The following CATSPERB variants were observed in gnomAD, a reference collection of about 807,000 sequenced individuals.
CATSPERB encodes the protein cation channel sperm-associated auxiliary subunit beta.
A neutral mutation model predicts 128.3 loss-of-function variants in CATSPERB; 93 were observed. That is an observed-to-expected ratio of 0.72 (90% CI 0.61 to 0.86). The LOEUF (loss-of-function observed/expected upper bound fraction) is 0.86. Ranked by LOEUF, CATSPERB falls within the 40% of genes least tolerant of loss-of-function variation. The pLI is 0.00. For missense variants in CATSPERB, 1,153 were observed against 1,329.5 expected, an observed-to-expected ratio of 0.87 and a Z score of 2.06; for synonymous variants, 381 against 448.8, an observed-to-expected ratio of 0.85 and a Z score of 1.91.
intron 7 of CATSPERB, among the ~76,000 whole-genome samples, chr14:91,700,479 A>G (rs1225136737): frequency 6.6e-6 from 1 of 152,090 alleles, no homozygotes. Context: ...TTTCAGTAGG[A>G]TTGGTGCCAG....
chr14:91,601,369 A>G (rs147179045), intron 22 of CATSPERB, among the ~76,000 whole-genome samples: 2,228 of 152,316 alleles, frequency 0.015, 20 homozygotes, highest in Non-Finnish European at 0.022. Flanking sequence ...TGTGAGGAAA[A>G]CATGTTTCTT....
chr14:91,618,663 G>T (rs1893988681), intron 19 of CATSPERB, among the ~76,000 whole-genome samples: 1 of 152,144 alleles, frequency 6.6e-6, no homozygotes, highest in Non-Finnish European at 1.5e-5. Context: ...TATTTCACCA[G>T]ACCAATTTCT....
intron 2 of CATSPERB, among the ~76,000 whole-genome samples, chr14:91,727,710 A>G (rs962000191): frequency 2.6e-4 from 40 of 152,216 alleles, no homozygotes; most frequent in African/African-American, 8.9e-4. Context: ...TACCTCATGA[A>G]TTAAACTTCT....
intron 17 of CATSPERB, among the ~76,000 whole-genome samples, chr14:91,634,157 A>G (rs866742363): frequency 2.0e-5 from 3 of 152,192 alleles, no homozygotes; most frequent in Admixed American, 1.3e-4. Flanking sequence ...TGTATGTTAT[A>G]TGTCTTACAT....
At chr14:91,652,433 C>A (rs1412806551) in intron 15 of CATSPERB, among the ~76,000 whole-genome samples, 1 of 149,156 alleles carries the variant, frequency 6.7e-6, no homozygotes, top group Admixed American at 6.7e-5. Context: ...CCTACATGGG[C>A]AGATCATTTG....
chr14:91,604,363 G>T, intron 22 of CATSPERB: 3 of 867,010 alleles, frequency 3.5e-6, no homozygotes, highest in Non-Finnish European at 5.8e-6. Context: ...TTCAGCCAGT[G>T]CCCAGACTGA....
chr14:91,658,522 T>G (rs957749905), intron 15 of CATSPERB, among the ~76,000 whole-genome samples: 6 of 151,088 alleles, frequency 4.0e-5, no homozygotes, highest in Admixed American at 2.7e-4. Flanking sequence ...TTATTATATA[T>G]TTTAAAATAA....
At chr14:91,658,100 C>T (rs1457562827) in intron 15 of CATSPERB, among the ~76,000 whole-genome samples, 1 of 152,128 alleles carries the variant, frequency 6.6e-6, no homozygotes, top group Non-Finnish European at 1.5e-5. Flanking sequence ...TATTGTAGTA[C>T]TATTCACAAC....
chr14:91,604,845 G>A (rs749740705), intron 22 of CATSPERB: 246 of 1,496,108 alleles, frequency 1.6e-4, no homozygotes, highest in Non-Finnish European at 2.2e-4. Flanking sequence ...CTATTCTTTG[G>A]CCAGTTGTTT....
intron 22 of CATSPERB, among the ~76,000 whole-genome samples, chr14:91,598,742 CAGCTACTTGGGAGGCTG>C (rs1893554673): frequency 6.6e-6 from 1 of 151,152 alleles, no homozygotes; most frequent in African/African-American, 2.4e-5. Context: ...CTTGTAGTCC[CAGCTACTTGGGAGGCTG>C]AGGCAGGGGA....
rs567261297 is a variant in CATSPERB at position 91,730,107 on chromosome 14, C to G, written c.1-628G>C. On this transcript the variant is annotated intron_variant, in intron 1 of 26. Coordinates refer to ENST00000256343, the MANE Select transcript of CATSPERB (RefSeq NM_024764.4). ...GGCTCAATTTTCTACCCTCAAAATT[C>G]TGAAGTTGAAATCCTAACCACCCTT... is the stretch of plus-strand genomic sequence containing the variant. Among the ~76,000 whole-genome samples the G allele has an allele frequency of 8.5e-5, 13 of 152,286 alleles. No homozygotes were observed. The East Asian group carries it at 2.5e-3, about 29-fold the overall frequency.
chr14:91,704,794 G>C (rs1341001850), intron 6 of CATSPERB, 93 bp from the exon 7 acceptor site: 1 of 1,308,648 alleles, frequency 7.6e-7, no homozygotes, highest in African/African-American at 1.5e-5. Flanking sequence ...ACTATGTAAA[G>C]AAACTATTCT....
rs772349053 is a variant in CATSPERB at position 91,683,127 on chromosome 14, G to A, written c.931+750C>T. 4.5e-4 allele frequency among the ~76,000 whole-genome samples: 69 copies of A among 152,296 alleles called. 1 individual carries two copies. The highest frequency in any genetic ancestry group is 2.5e-3 in the Admixed American group (38 of 15,298). On this transcript the variant is annotated intron_variant, in intron 11 of 26. Transcript: ENST00000256343. Reference sequence around the variant, plus strand: ...CTCATTGTCCTCTTCGGCTGCTGTGGATTTTATTGCTATTATATACTCTGC... The same window carrying A: ...CTCATTGTCCTCTTCGGCTGCTGTGAATTTTATTGCTATTATATACTCTGC...
At chr14:91,687,423 T>C (rs1895394238) in intron 10 of CATSPERB, among the ~76,000 whole-genome samples, 1 of 152,122 alleles carries the variant, frequency 6.6e-6, no homozygotes, top group Non-Finnish European at 1.5e-5. Context: ...TTAGTCCTCT[T>C]ATAAAAGAGA....
intron 7 of CATSPERB, among the ~76,000 whole-genome samples, chr14:91,697,053 C>A (rs113918001): frequency 6.6e-6 from 1 of 151,930 alleles, no homozygotes; most frequent in Non-Finnish European, 1.5e-5. Context: ...AATATACAAG[C>A]GAAGAGTGAT....
chr14:91,722,511 A>G (rs1896052450), intron 4 of CATSPERB, among the ~76,000 whole-genome samples: 1 of 152,164 alleles, frequency 6.6e-6, no homozygotes, highest in Admixed American at 6.5e-5. Flanking sequence ...GGGGATTGGG[A>G]GTGACTGCTA....
chr14:91,661,522 A>G (rs1345259425), intron 14 of CATSPERB, among the ~76,000 whole-genome samples: 2 of 50,532 alleles, frequency 4.0e-5, no homozygotes, highest in African/African-American at 1.5e-4. Flanking sequence ...GTCAGATGCT[A>G]TCATATATAT....
intron 7 of CATSPERB, among the ~76,000 whole-genome samples, chr14:91,695,316 G>A (rs1038146060): frequency 7.9e-5 from 12 of 151,862 alleles, no homozygotes; most frequent in African/African-American, 2.2e-4. Flanking sequence ...TTTTTGGTAG[G>A]GACAGGGTTT....
intron 22 of CATSPERB, 121 bp from the exon 23 acceptor site, chr14:91,592,123 G>A (rs1893417615): frequency 1.4e-6 from 1 of 703,176 alleles, no homozygotes; most frequent in Non-Finnish European, 2.5e-6. Context: ...AGTTAAAAGG[G>A]GAAAGCAATT....
Sources: allele counts gnomAD v4.1 joint callset (sites outside exome capture counted in the v4.1 genomes callset), GRCh38; gene constraint gnomAD v4.1.1; transcripts MANE v1.5; gene names NCBI Gene and HGNC (gene_info 2026-07-23, HGNC 2026-07-21).